The following SH3YL1 variants were observed in gnomAD, a reference collection of about 807,000 sequenced individuals.
SH3YL1 encodes SH3 and SYLF domain containing 1.
SH3YL1 carries 41 observed loss-of-function variants against 45.8 expected under a neutral mutation model. The observed-to-expected ratio is 0.89, with a 90% CI of 0.70 to 1.16. SH3YL1 has a LOEUF of 1.16. Ranked by LOEUF, SH3YL1 falls within the 50% of genes most tolerant of loss-of-function variation. The pLI is 0.00. For missense variants in SH3YL1, 389 were observed against 409.6 expected, an observed-to-expected ratio of 0.95 and a Z score of 0.43; for synonymous variants, 152 against 151.4, an observed-to-expected ratio of 1.00 and a Z score of -0.03.
At chr2:257,181 A>T (rs1415868214) in intron 1 of SH3YL1, among the ~76,000 whole-genome samples, 1 of 152,062 alleles carries the variant, frequency 6.6e-6, no homozygotes, top group African/African-American at 2.4e-5. Context: ...TCTATTCTGT[A>T]GGTTGTTTTC....
chr2:220,497 A>G (rs1462740502), intron 9 of SH3YL1, among the ~76,000 whole-genome samples: 1 of 152,206 alleles, frequency 6.6e-6, no homozygotes, highest in Non-Finnish European at 1.5e-5. Flanking sequence ...AAAGAATGTC[A>G]CCAAAATAAA....
Position 237,674 on chromosome 2 carries a change from A to G in SH3YL1, c.292-3402T>C, listed in dbSNP as rs1668365316. 3.3e-5 allele frequency among the ~76,000 whole-genome samples: 5 copies of G among 152,184 alleles called. No homozygotes were observed. The South Asian group carries it at 1.0e-3, about 32-fold the overall frequency. On this transcript the variant is annotated intron_variant, in intron 4 of 9. Coordinates refer to ENST00000356150, the MANE Select transcript of SH3YL1 (RefSeq NM_015677.4). The stretch of plus-strand genomic sequence containing the variant: ...ATCTATTGACTATTTCAAAATAGCT[A>G]GAAGAGAACTTGAATGCTTCCAGCC...
rs768459773 is a variant in SH3YL1 at position 264,010 on chromosome 2, G to A, written c.-26C>T. 2.1e-6 allele frequency: 3 copies of A among 1,440,074 alleles called. No individual in the cohort carries two copies. Among genetic ancestry groups the A allele is most frequent in the East Asian group, 5.9e-5 (2 of 33,764 alleles). 89.2% of individuals were successfully genotyped at this position (1,440,074 alleles called of 1,614,324 possible). A position where few individuals can be genotyped will look rare whatever the true frequency, so the allele number is the denominator to read the frequency against. ...GCTGCCCGCCCGGCCGCGGCGCCCC[G>A]TCCCGAGGCTGCCCAGGAAGAGGAA... On this transcript the variant is annotated 5_prime_UTR_variant, in exon 1 of 10. It adds an upstream start codon to the 5' untranslated region. Coordinates refer to ENST00000356150, the MANE Select transcript of SH3YL1 (RefSeq NM_015677.4).
chr2:237,995 C>T (rs1468997483), intron 4 of SH3YL1, among the ~76,000 whole-genome samples: 3 of 152,148 alleles, frequency 2.0e-5, no homozygotes, highest in Non-Finnish European at 4.4e-5. Context: ...TGAGAGGGTA[C>T]CACCCCATCT....
At position 233,210 on chromosome 2, in the gene SH3YL1, C is replaced by T. The variant is rs1363596800; in HGVS notation, c.424G>A (p.Ala142Thr). The change falls in exon 6 of 10, where the codon GCC (alanine) becomes ACC (threonine). Residue 142 changes from alanine (A) to threonine (T), a missense_variant. Transcript: ENST00000356150. The stretch of plus-strand genomic sequence containing the variant: ...AAGACGGCAGCGGAGCTTCTCAGGG[C>T]CACGTTTCCTTCCAAGTTCCTGCAA... Reference protein sequence around the residue: ...PLGRNLEGNVALRSSAAVFTY... With the variant: ...PLGRNLEGNVTLRSSAAVFTY... The T allele has an allele frequency of 1.3e-6, 2 of 1,576,894 alleles. No homozygotes were observed. Among genetic ancestry groups the T allele is most frequent in the Non-Finnish European group, 1.7e-6 (2 of 1,160,136 alleles).
At chr2:227,149 GTACATGGTGGATGGTA>G (rs1352162627) in intron 8 of SH3YL1, among the ~76,000 whole-genome samples, 2 of 152,052 alleles carry the variant, frequency 1.3e-5, no homozygotes, top group Admixed American at 1.3e-4. Context: ...GGTTAGGATT[GTACATGGTGGATGGTA>G]TACATGGTGG....
intron 8 of SH3YL1, among the ~76,000 whole-genome samples, chr2:228,005 T>A (rs552656884): frequency 6.6e-6 from 1 of 152,222 alleles, no homozygotes; most frequent in South Asian, 2.1e-4. Flanking sequence ...TAGTCACTAG[T>A]TTTAAATTTT....
chr2:258,742 T>C (rs908113464), intron 1 of SH3YL1, among the ~76,000 whole-genome samples: 3 of 152,308 alleles, frequency 2.0e-5, no homozygotes, highest in African/African-American at 7.2e-5. Flanking sequence ...GGTTGTTTAA[T>C]AAGCTGTCTC....
At chr2:221,819 A>G (rs1232079081) in intron 9 of SH3YL1, among the ~76,000 whole-genome samples, 2 of 152,196 alleles carry the variant, frequency 1.3e-5, no homozygotes, top group Non-Finnish European at 2.9e-5. Flanking sequence ...CAGCAGATCC[A>G]GGAGCCTATC....
At chr2:254,454 TCA>T (rs2103053710) in intron 1 of SH3YL1, among the ~76,000 whole-genome samples, 1 of 152,332 alleles carries the variant, frequency 6.6e-6, no homozygotes, top group South Asian at 2.1e-4. Context: ...AGTTCTTGTC[TCA>T]CTGTCTACAA....
At chr2:229,380 G>T (rs1277272728) in intron 8 of SH3YL1, among the ~76,000 whole-genome samples, 1 of 152,146 alleles carries the variant, frequency 6.6e-6, no homozygotes, top group Non-Finnish European at 1.5e-5. Context: ...TGGAAGAAAT[G>T]GCACAGAAAA....
At chr2:223,994 T>A (rs556242382) in intron 9 of SH3YL1, among the ~76,000 whole-genome samples, 33 of 152,350 alleles carry the variant, frequency 2.2e-4, no homozygotes, top group Non-Finnish European at 3.8e-4. Flanking sequence ...TTTCAACATA[T>A]TTTTATCTGC....
At chr2:224,722 C>A in intron 9 of SH3YL1, 142 bp downstream of exon 9, 1 of 676,562 alleles carries the variant, frequency 1.5e-6, no homozygotes, top group Non-Finnish European at 2.6e-6. Context: ...AAATGAAGTA[C>A]TTCTCAAAAG....
chr2:247,412 A>C (rs897340767), intron 4 of SH3YL1, 126 bp downstream of exon 4: 2 of 639,976 alleles, frequency 3.1e-6, no homozygotes, highest in Admixed American at 3.5e-5. Flanking sequence ...AAAATAAAGG[A>C]AACAATTTTT....
chr2:257,116 TTA>T (rs1669370170), intron 1 of SH3YL1, among the ~76,000 whole-genome samples: 1 of 152,212 alleles, frequency 6.6e-6, no homozygotes, highest in South Asian at 2.1e-4. Flanking sequence ...TTTAAATTTC[TTA>T]TAGATTCTGA....
chr2:237,555 T>G lies in SH3YL1; in HGVS notation c.292-3283A>C, dbSNP rs191886285. The stretch of plus-strand genomic sequence containing the variant: ...GCATTTGATAAGACTTCTTTAGAAG[T>G]CTGCATTAAAACTCAACTACATAAC... On this transcript the variant is annotated intron_variant, in intron 4 of 9. Transcript: ENST00000356150. 1.4e-3 allele frequency among the ~76,000 whole-genome samples: 213 copies of G among 152,180 alleles called. 1 individual carries two copies. The highest frequency in any genetic ancestry group is 5.1e-3 in the African/African-American group (210 of 41,498).
chr2:225,531 C>T (rs778165747), intron 8 of SH3YL1, among the ~76,000 whole-genome samples: 97 of 152,202 alleles, frequency 6.4e-4, no homozygotes, highest in Non-Finnish European at 8.7e-4. Flanking sequence ...GCAGTCTCTG[C>T]GTACTCCTAA....
At chr2:257,069 ATACTT>A (rs1292108727) in intron 1 of SH3YL1, among the ~76,000 whole-genome samples, 1 of 152,068 alleles carries the variant, frequency 6.6e-6, no homozygotes. Flanking sequence ...TATTATTATT[ATACTT>A]TAACGGAGTT....
intron 1 of SH3YL1, chr2:262,595 G>C (rs970904424): frequency 1.8e-5 from 24 of 1,304,068 alleles, no homozygotes; most frequent in Non-Finnish European, 2.4e-5. Flanking sequence ...TTAGGTCTCA[G>C]AGCAGAGAAT....
Sources: allele counts gnomAD v4.1 joint callset (sites outside exome capture counted in the v4.1 genomes callset), GRCh38; gene constraint gnomAD v4.1.1; transcripts MANE v1.5; gene names NCBI Gene and HGNC (gene_info 2026-07-23, HGNC 2026-07-21).